Variants in SLC6A11 observed in about 807,000 individuals in gnomAD.
SLC6A11 encodes the protein solute carrier family 6 member 11.
SLC6A11 carries 25 observed loss-of-function variants against 74.8 expected under a neutral mutation model. The ratio of observed to expected loss-of-function variants is 0.33; its 90% confidence interval spans 0.24 to 0.47. The LOEUF (loss-of-function observed/expected upper bound fraction) is 0.47, where lower values mean the gene tolerates loss of function less well. Among genes scored for constraint, SLC6A11 ranks in the 20% least tolerant of loss-of-function variants. The pLI is 1.00. For synonymous variants in SLC6A11, 330 were observed against 330.2 expected (o/e 1.00, Z 0.01); for missense variants, 574 against 837.0 (o/e 0.69, Z 3.88).
chr3:10,819,774 G>C lies in SLC6A11; in HGVS notation c.454G>C (p.Ala152Pro). The C allele has an allele frequency of 6.2e-7, 1 of 1,614,202 alleles. No homozygotes were observed. The highest frequency in any genetic ancestry group is 8.5e-7 in the Non-Finnish European group (1 of 1,180,036). Residue 152 changes from alanine to proline, a missense_variant, in exon 3 of 14, where the codon GCA becomes CCA. This residue lies in a region of SLC6A11 where 215 missense variants were observed against 357.9 expected (regional missense o/e 0.60). Transcript: ENST00000254488. ...GAATGTGTACTACATCATCATCCTG[G>C]CATGGGCCATTTTTTACCTGAGCAA... ...HLNVYYIIIL[A>P]WAIFYLSNCF... is the part of the protein sequence containing the mutation.
rs1328954271 is a variant in SLC6A11, at chr3:10,816,710, C to T, written c.256+189C>T. On this transcript the variant is annotated intron_variant, in intron 1 of 13. Coordinates refer to ENST00000254488, the MANE Select transcript of SLC6A11 (RefSeq NM_014229.3). This position sits in a 1 kb window ranked among gnomAD's most constrained non-coding sequence, Gnocchi z 4.2. The stretch of plus-strand genomic sequence containing the variant: ...CCACCTGTGCCAGTGCGCACGCGCA[C>T]GTGCCAATTCGCACCTGAGGGTTCC... 6.6e-6 allele frequency among the ~76,000 whole-genome samples: 1 copy of T among 152,216 alleles called. No individual in the cohort carries two copies. The highest frequency in any genetic ancestry group is 2.1e-4 in the South Asian group (1 of 4,836).
intron 6 of SLC6A11, among the ~76,000 whole-genome samples, chr3:10,897,017 ATGG>A (rs571047574): frequency 3.2e-4 from 49 of 152,334 alleles, no homozygotes; most frequent in African/African-American, 1.2e-3. Flanking sequence ...CACATCTCCC[ATGG>A]TGGTGGCAAG....
rs572589709 is a variant in SLC6A11 at position 10,905,933 on chromosome 3, G to A, written c.892-6157G>A. Among the ~76,000 whole-genome samples the A allele has an allele frequency of 3.9e-5, 6 of 152,234 alleles. No individual in the cohort carries two copies. The South Asian group carries it at 1.0e-3, about 26-fold the overall frequency. On this transcript the variant is annotated intron_variant, in intron 6 of 13. Transcript: ENST00000254488. The stretch of plus-strand genomic sequence containing the variant: ...AAGAAAATTTTAGATCTGGAGTCAG[G>A]GAGATGTTAAGTTACTGCTAAAATC...
In SLC6A11 at chr3:10,937,234, C is replaced by T. The variant is rs1213908085; in HGVS notation, c.1747-1016C>T. 4.6e-5 allele frequency among the ~76,000 whole-genome samples: 7 copies of T among 152,236 alleles called. No individual in the cohort carries two copies. In the East Asian group the frequency reaches 7.7e-4, roughly 17 times the overall value. On this transcript the variant is annotated intron_variant, in intron 13 of 13. Transcript: ENST00000254488. ...CTTTACAGATGAGGAAACTGAGGCA[C>T]GGGGGGTTAAGCTTCTTGCCCTTGT...
intron 6 of SLC6A11, among the ~76,000 whole-genome samples, chr3:10,891,335 C>T (rs972399544): frequency 1.3e-5 from 2 of 152,188 alleles, no homozygotes; most frequent in African/African-American, 4.8e-5. Context: ...TAACCCTCAG[C>T]ATTTACTTTT....
At chr3:10,837,345 C>T (rs972752560) in intron 4 of SLC6A11, among the ~76,000 whole-genome samples, 1 of 152,120 alleles carries the variant, frequency 6.6e-6, no homozygotes, top group African/African-American at 2.4e-5. Context: ...ACCCCTTAGG[C>T]CTATGTCGGT....
intron 6 of SLC6A11, among the ~76,000 whole-genome samples, chr3:10,902,824 G>A (rs929321972): frequency 1.3e-5 from 2 of 152,156 alleles, no homozygotes; most frequent in Admixed American, 1.3e-4. Flanking sequence ...TCATTTGTTC[G>A]TAAGCCCAAA....
At position 10,885,018 on chromosome 3, in the gene SLC6A11, T is replaced by C. The variant is rs715148; in HGVS notation, c.891+9923T>C. On this transcript the variant is annotated intron_variant, in intron 6 of 13. Transcript: ENST00000254488. Reference sequence around the variant, plus strand: ...CACAAGTCGGCCTCCTCCGAGTGAATAGAATAGAATCAAATCACCTCCAAG... The same window carrying C: ...CACAAGTCGGCCTCCTCCGAGTGAACAGAATAGAATCAAATCACCTCCAAG... Among the ~76,000 whole-genome samples, 365 of 152,316 alleles carry C rather than the reference T, an allele frequency of 2.4e-3. 1 individual carries two copies. The highest frequency in any genetic ancestry group is 0.011 in the South Asian group (51 of 4,822).
At chr3:10,842,296 G>A (rs1694448695) in intron 4 of SLC6A11, among the ~76,000 whole-genome samples, 1 of 152,178 alleles carries the variant, frequency 6.6e-6, no homozygotes, top group African/African-American at 2.4e-5. Context: ...CTCTACTTCT[G>A]TGGTGCTCAA....
intron 10 of SLC6A11, among the ~76,000 whole-genome samples, chr3:10,930,105 AAC>A (rs919015771): frequency 6.6e-6 from 1 of 152,242 alleles, no homozygotes; most frequent in Non-Finnish European, 1.5e-5. Flanking sequence ...CACTAAAAGC[AAC>A]TGATGTAATA....
chr3:10,893,972 G>A (rs1369394987), intron 6 of SLC6A11, among the ~76,000 whole-genome samples: 1 of 152,140 alleles, frequency 6.6e-6, no homozygotes, highest in East Asian at 1.9e-4. Context: ...AATCGCTGAG[G>A]GAAGCATGAG....
intron 6 of SLC6A11, among the ~76,000 whole-genome samples, chr3:10,885,915 T>G (rs2106612238): frequency 6.6e-6 from 1 of 152,316 alleles, no homozygotes; most frequent in Middle Eastern, 3.4e-3. Context: ...CCACATGGAC[T>G]TCTGGGTCCC....
At chr3:10,842,273 C>T (rs970181047) in intron 4 of SLC6A11, among the ~76,000 whole-genome samples, 9 of 152,180 alleles carry the variant, frequency 5.9e-5, no homozygotes, top group Admixed American at 5.9e-4. Flanking sequence ...ATCACTCCTT[C>T]ATTACCAAGA....
At chr3:10,820,456 G>T (rs1247728039) in intron 3 of SLC6A11, among the ~76,000 whole-genome samples, 1 of 152,176 alleles carries the variant, frequency 6.6e-6, no homozygotes, top group Non-Finnish European at 1.5e-5. Flanking sequence ...TAGCCAAGAG[G>T]TGGCTATTGC....
chr3:10,838,827 G>A (rs1211531054), intron 4 of SLC6A11, among the ~76,000 whole-genome samples: 1 of 152,188 alleles, frequency 6.6e-6, no homozygotes. Flanking sequence ...GTATAATCAT[G>A]CCCTGGCAGT....
chr3:10,937,968 C>T (rs866075647), intron 13 of SLC6A11, among the ~76,000 whole-genome samples: 1 of 152,194 alleles, frequency 6.6e-6, no homozygotes, highest in African/African-American at 2.4e-5. Context: ...CCTTTCCTAG[C>T]CAGGTGCGAG....
rs1340250893 is a variant in SLC6A11, at chr3:10,933,189, C to T, written c.1410C>T (p.Ala470=). ...TCTTCCAGCTCTTTGACTCCTATGC[C>T]GCCAGTGGGATGTGCCTTCTCTTCG... ...MYIFQLFDSY[A]ASGMCLLFVA... Residue 470 remains alanine (A), a synonymous_variant, in exon 11 of 14, where the codon GCC becomes GCT. Coordinates refer to ENST00000254488, the MANE Select transcript of SLC6A11 (RefSeq NM_014229.3). 18 of 1,613,954 alleles carry T rather than the reference C, an allele frequency of 1.1e-5. No homozygotes were observed. The highest frequency in any genetic ancestry group is 3.3e-4 in the Middle Eastern group (2 of 6,084).
intron 5 of SLC6A11, among the ~76,000 whole-genome samples, chr3:10,861,069 T>G (rs1338407749): frequency 6.6e-6 from 1 of 152,224 alleles, no homozygotes; most frequent in Non-Finnish European, 1.5e-5. Context: ...GCCCCACTTC[T>G]GGGAAGCAGT....
intron 9 of SLC6A11, among the ~76,000 whole-genome samples, chr3:10,927,190 T>C (rs1270193951): frequency 6.6e-6 from 1 of 152,196 alleles, no homozygotes; most frequent in Non-Finnish European, 1.5e-5. Context: ...GTGTTTCTGC[T>C]GATAATCTTC....
Sources: allele counts gnomAD v4.1 joint callset (sites outside exome capture counted in the v4.1 genomes callset), GRCh38; gene constraint gnomAD v4.1.1; regional missense constraint gnomAD v4.1.1; non-coding constraint Gnocchi (gnomAD v3.1); transcripts MANE v1.5; gene names NCBI Gene and HGNC (gene_info 2026-07-23, HGNC 2026-07-21).